The following FARS2 variants were observed in gnomAD, a reference collection of about 807,000 sequenced individuals.
FARS2 encodes phenylalanyl-tRNA synthetase 2, mitochondrial.
Under a neutral mutation model 46.4 loss-of-function variants are expected in FARS2, and 40 were observed. The ratio of observed to expected loss-of-function variants is 0.86; its 90% confidence interval spans 0.67 to 1.12. The LOEUF is 1.12. Ranked by LOEUF, FARS2 falls within the 50% of genes most tolerant of loss-of-function variation. The pLI is 0.00. For missense variants in FARS2, 513 were observed against 567.9 expected, an observed-to-expected ratio of 0.90 and a Z score of 0.98; for synonymous variants, 234 against 214.9, an observed-to-expected ratio of 1.09 and a Z score of -0.78.
chr6:5,719,420 AAAG>A (rs1759732024), intron 6 of FARS2, among the ~76,000 whole-genome samples: 1 of 83,844 alleles, frequency 1.2e-5, no homozygotes, highest in Non-Finnish European at 2.5e-5. Context: ...AAGGAAGAAG[AAAG>A]AAAAAGAAAG....
chr6:5,412,214 A>C (rs933444982), intron 3 of FARS2, among the ~76,000 whole-genome samples: 10 of 152,238 alleles, frequency 6.6e-5, no homozygotes, highest in South Asian at 4.2e-4. Flanking sequence ...CTTCTTGGGG[A>C]ATTGCCTCAG....
intron 4 of FARS2, among the ~76,000 whole-genome samples, chr6:5,499,721 T>C (rs1767678744): frequency 6.6e-6 from 1 of 152,168 alleles, no homozygotes; most frequent in African/African-American, 2.4e-5. Context: ...GGTGATATCA[T>C]TGCCTGCAGA....
At chr6:5,500,095 C>T (rs536531839) in intron 4 of FARS2, among the ~76,000 whole-genome samples, 2 of 152,296 alleles carry the variant, frequency 1.3e-5, no homozygotes, top group Admixed American at 6.5e-5. Flanking sequence ...CATGATTCTT[C>T]GTGTCAGCAG....
intron 1 of FARS2, among the ~76,000 whole-genome samples, chr6:5,362,700 A>T (rs1244094813): frequency 6.6e-6 from 1 of 152,164 alleles, no homozygotes; most frequent in Admixed American, 6.5e-5. Flanking sequence ...TCCCACCAAC[A>T]GTGTACAGTG....
In FARS2 at chr6:5,357,502, A is replaced by C. The variant is rs147248416; in HGVS notation, c.-21-11048A>C. Among the ~76,000 whole-genome samples the C allele has an allele frequency of 1.0e-3, 159 of 152,322 alleles. 1 individual carries two copies. The highest frequency in any genetic ancestry group is 3.6e-3 in the African/African-American group (150 of 41,576). Reference sequence around the variant, plus strand: ...GCCATGAGTGAAGTGTGTACAGAAGACAATTGGGAAGAGAGAAGAGATGGC... The same window carrying C: ...GCCATGAGTGAAGTGTGTACAGAAGCCAATTGGGAAGAGAGAAGAGATGGC... On this transcript the variant is annotated intron_variant, in intron 1 of 6. Transcript: ENST00000274680.
intron 6 of FARS2, among the ~76,000 whole-genome samples, chr6:5,756,311 T>C (rs2150971137): frequency 6.6e-6 from 1 of 152,380 alleles, no homozygotes; most frequent in African/African-American, 2.4e-5. Flanking sequence ...TCACTACTCT[T>C]ACATATTGTA....
At chr6:5,591,855 T>A (rs1158824171) in intron 5 of FARS2, among the ~76,000 whole-genome samples, 1 of 152,226 alleles carries the variant, frequency 6.6e-6, no homozygotes, top group Non-Finnish European at 1.5e-5. Flanking sequence ...TAAATTAATT[T>A]AACCCATACT....
chr6:5,537,134 A>G (rs571787645), intron 4 of FARS2, among the ~76,000 whole-genome samples: 64 of 152,300 alleles, frequency 4.2e-4, no homozygotes, highest in South Asian at 1.2e-3. Context: ...TGCTGCTTGC[A>G]TATAGACCCC....
chr6:5,582,677 A>G (rs796706652), intron 5 of FARS2, among the ~76,000 whole-genome samples: 3 of 152,344 alleles, frequency 2.0e-5, no homozygotes, highest in African/African-American at 7.2e-5. Flanking sequence ...GTGTGTATAT[A>G]CTGATGTAAA....
intron 6 of FARS2, among the ~76,000 whole-genome samples, chr6:5,731,461 T>G (rs1760618325): frequency 6.6e-6 from 1 of 152,192 alleles, no homozygotes. Context: ...CCATGTCTCC[T>G]GCTTCTGCAC....
intron 5 of FARS2, among the ~76,000 whole-genome samples, chr6:5,576,556 T>C (rs1772976060): frequency 1.4e-5 from 2 of 148,112 alleles, no homozygotes; most frequent in South Asian, 4.2e-4. Context: ...CATATATATA[T>C]CATATATAGA....
At chr6:5,274,809 C>G (rs1200424150) in intron 1 of FARS2, among the ~76,000 whole-genome samples, 2 of 152,182 alleles carry the variant, frequency 1.3e-5, no homozygotes, top group Non-Finnish European at 2.9e-5. Flanking sequence ...CTTCCGGGCT[C>G]AAGCAATCCT....
rs144909598 is a variant in FARS2 at position 5,365,510 on chromosome 6, ATTTTTTT to A, written c.-21-3024_-21-3018del. Among the ~76,000 whole-genome samples the A allele has an allele frequency of 1.6e-3, 207 of 127,966 alleles. 2 individuals are homozygous for A. Among genetic ancestry groups the A allele is most frequent in the South Asian group, 7.7e-3 (29 of 3,774 alleles). The allele number at this position is 127,966 out of a possible 152,430, so 84.0% of individuals were successfully genotyped here. On this transcript the variant is annotated intron_variant, in intron 1 of 6. Coordinates refer to ENST00000274680, the MANE Select transcript of FARS2 (RefSeq NM_006567.5). The stretch of plus-strand genomic sequence containing the variant: ...ATACCCGGCTAATTTATTAAATAAA[ATTTTTTT>A]TTTTTTTTTTTTTTTGTAGAGATAG...
chr6:5,769,224 T>C (rs1419568918), intron 6 of FARS2, among the ~76,000 whole-genome samples: 2 of 152,250 alleles, frequency 1.3e-5, no homozygotes, highest in East Asian at 1.9e-4. Flanking sequence ...GTATCAATTG[T>C]TGAAAAGACA....
Position 5,693,812 on chromosome 6 carries a change from C to G in FARS2, c.1218-77479C>G, listed in dbSNP as rs929095845. Among the ~76,000 whole-genome samples, 3 of 152,138 alleles carry G rather than the reference C, an allele frequency of 2.0e-5. 1 individual carries two copies. Among genetic ancestry groups the G allele is most frequent in the Non-Finnish European group, 4.4e-5 (3 of 68,024 alleles). ...GATGGCTGGAGAACATTTCACCTCT[C>G]CAAGCGGCCTGGCCTTCCTTACTGC... On this transcript the variant is annotated intron_variant, in intron 6 of 6. Transcript: ENST00000274680.
Position 5,545,338 on chromosome 6 carries a change from C to T in FARS2, c.1063C>T (p.Gln355Ter), listed in dbSNP as rs1309640116. 1 of 1,612,992 alleles carries T rather than the reference C, an allele frequency of 6.2e-7. No individual in the cohort carries two copies. The highest frequency in any genetic ancestry group is 1.7e-5 in the Admixed American group (1 of 59,990). The change falls in exon 5 of 7, where the codon CAG becomes TAG. Residue 355 changes from glutamine (Q) to a stop codon, truncating the protein, a stop_gained and splice_region_variant. Coordinates refer to ENST00000274680, the MANE Select transcript of FARS2 (RefSeq NM_006567.5). LOFTEE classifies it high-confidence loss of function. ...CAACATTAATCAGAAGGTGAAGTTTCAGGTAAGATGACTTGCAAGAACTGA... is the reference window on the plus strand; with the variant it reads ...CAACATTAATCAGAAGGTGAAGTTTTAGGTAAGATGACTTGCAAGAACTGA... ...VSNINQKVKFQPLSKYPAVIN... is the reference protein window; with the variant it reads ...VSNINQKVKF
At chr6:5,531,098 GA>G (rs1769799067) in intron 4 of FARS2, among the ~76,000 whole-genome samples, 1 of 152,114 alleles carries the variant, frequency 6.6e-6, no homozygotes, top group South Asian at 2.1e-4. Flanking sequence ...AAGTAGTTCA[GA>G]AGGGCCTTTT....
intron 4 of FARS2, among the ~76,000 whole-genome samples, chr6:5,539,439 A>G (rs530624821): frequency 3.3e-4 from 46 of 139,156 alleles, no homozygotes; most frequent in Non-Finnish European, 5.2e-4. Context: ...TCACCATGTT[A>G]GCCAGGATGG....
At chr6:5,407,060 T>TAC (rs1761651030) in intron 3 of FARS2, among the ~76,000 whole-genome samples, 1 of 140,464 alleles carries the variant, frequency 7.1e-6, no homozygotes. Flanking sequence ...TATATATATA[T>TAC]ATATATAATG....
Sources: gnomAD v4.1 joint callset for allele counts (sites outside exome capture counted in the v4.1 genomes callset) on GRCh38, gnomAD v4.1.1 for gene constraint, MANE v1.5 for transcripts, NCBI Gene and HGNC (gene_info 2026-07-23, HGNC 2026-07-21) for gene names.